CCP110: variants seen among roughly 807,000 people sequenced by gnomAD.
CCP110 encodes the protein centriolar coiled-coil protein 110.
In CCP110, 43 loss-of-function variants were observed where a neutral mutation model predicts 105.5. The ratio of observed to expected loss-of-function variants is 0.41; its 90% CI spans 0.32 to 0.53. The LOEUF (loss-of-function observed/expected upper bound fraction) is 0.53. Among genes scored for constraint, CCP110 ranks in the 20% least tolerant of loss-of-function variants. The pLI is 0.32. For missense variants in CCP110, 1,016 were observed against 1,189.1 expected, an observed-to-expected ratio of 0.85 and a Z score of 2.14; for synonymous variants, 353 against 392.1, an observed-to-expected ratio of 0.90 and a Z score of 1.18.
At chr16:19,527,461 A>G (rs1360838847) in intron 1 of CCP110, among the ~76,000 whole-genome samples, 1 of 152,106 alleles carries the variant, frequency 6.6e-6, no homozygotes, top group East Asian at 1.9e-4. Context: ...CTTTTTTACT[A>G]CAGTGTTTGT....
At chr16:19,535,257 A>T (rs1970010789) in intron 3 of CCP110, among the ~76,000 whole-genome samples, 1 of 150,402 alleles carries the variant, frequency 6.6e-6, no homozygotes, top group South Asian at 2.1e-4. Flanking sequence ...ATGTATAATT[A>T]CCTTTAGAAA....
rs566760938 is a variant in CCP110, at chr16:19,540,750, T to C, written c.2012T>C (p.Ile671Thr). The C allele has an allele frequency of 2.6e-5, 42 of 1,613,644 alleles. 1 individual carries two copies. In the South Asian group the frequency reaches 4.4e-4, roughly 17 times the overall value. Residue 671 changes from isoleucine (I) to threonine (T), a missense_variant, in exon 5 of 15, where the codon ATA becomes ACA. Ile to Thr is a moderately conservative substitution (Grantham distance 89). Transcript: ENST00000381396. ...CACGCCCAGCAATTATCACTACTCATAGCTGAGCAGGAAAGGGAACAAGAA... is the reference window on the plus strand; with the variant it reads ...CACGCCCAGCAATTATCACTACTCACAGCTGAGCAGGAAAGGGAACAAGAA...
chr16:19,524,413 G>GGA (rs1969596512), intron 1 of CCP110, among the ~76,000 whole-genome samples: 1 of 152,170 alleles, frequency 6.6e-6, no homozygotes, highest in Non-Finnish European at 1.5e-5. Flanking sequence ...GGCCAGAGCC[G>GGA]GAGAACCCCA....
At chr16:19,545,017 T>G in intron 9 of CCP110, 77 bp from the exon 10 acceptor site, 1 of 971,980 alleles carries the variant, frequency 1.0e-6, no homozygotes, top group Admixed American at 2.2e-5. Context: ...TATAAATAAG[T>G]GTACATGGTA....
chr16:19,552,440 T>C (rs904212796), exon 15 of CCP110: 4 of 151,602 alleles, frequency 2.6e-5, no homozygotes, highest in African/African-American at 7.3e-5. Context: ...GACAGGCGAA[T>C]TGCTTGAACC....
chr16:19,539,821 T>C (rs1970214132), intron 4 of CCP110, among the ~76,000 whole-genome samples: 1 of 150,808 alleles, frequency 6.6e-6, no homozygotes, highest in African/African-American at 2.4e-5. Context: ...TTTTTTGAGA[T>C]GGAGTTTCAC....
intron 8 of CCP110, among the ~76,000 whole-genome samples, chr16:19,544,261 A>G (rs1970388247): frequency 6.6e-6 from 1 of 152,184 alleles, no homozygotes; most frequent in African/African-American, 2.4e-5. Flanking sequence ...TCTTTCTCAG[A>G]TAATATTATG....
intron 3 of CCP110, among the ~76,000 whole-genome samples, chr16:19,535,238 A>T (rs1213214152): frequency 6.6e-6 from 1 of 152,104 alleles, no homozygotes; most frequent in Non-Finnish European, 1.5e-5. Context: ...TTGCCAGTTT[A>T]ATATACGGAT....
chr16:19,543,414 G>A lies in CCP110; in HGVS notation c.2484+420G>A, dbSNP rs142116251. Among the ~76,000 whole-genome samples the A allele has an allele frequency of 2.8e-3, 421 of 152,208 alleles. 1 individual carries two copies. Among genetic ancestry groups the A allele is most frequent in the Non-Finnish European group, 4.6e-3 (310 of 68,014 alleles). ...TTATCTTCATAAGCTGAGGATGTAGGTCACCTCAGGACCACTATTGTGTTA... is the reference window on the plus strand; with the variant it reads ...TTATCTTCATAAGCTGAGGATGTAGATCACCTCAGGACCACTATTGTGTTA... On this transcript the variant is annotated intron_variant, in intron 8 of 14. Transcript: ENST00000381396.
chr16:19,538,427 A>T (rs1216422544), intron 4 of CCP110, among the ~76,000 whole-genome samples: 1 of 142,652 alleles, frequency 7.0e-6, no homozygotes, highest in East Asian at 2.2e-4. Context: ...TTCGTGCCTC[A>T]GCCTCCAGAG....
intron 2 of CCP110, among the ~76,000 whole-genome samples, chr16:19,530,056 G>A (rs1253238162): frequency 6.6e-6 from 1 of 152,048 alleles, no homozygotes; most frequent in Non-Finnish European, 1.5e-5. Flanking sequence ...AAAGAGCTGG[G>A]TGTGGTGGCG....
Position 19,548,432 on chromosome 16 carries a change from G to C in CCP110, c.2901-83G>C, listed in dbSNP as rs983342050. On this transcript the variant is annotated intron_variant, in intron 13 of 14. Transcript: ENST00000381396. The surrounding 1 kb of genome is among the most constrained non-coding windows in gnomAD (Gnocchi z 4.1). ...AAGCTTATTTGTGCTTTGGACAGTTGATGCAATGTGATTGCTTTCTTTGAA... is the reference window on the plus strand; with the variant it reads ...AAGCTTATTTGTGCTTTGGACAGTTCATGCAATGTGATTGCTTTCTTTGAA... The C allele has an allele frequency of 1.2e-6, 1 of 847,230 alleles. No homozygotes were observed. The highest frequency in any genetic ancestry group is 1.7e-5 in the African/African-American group (1 of 58,354). 52.5% of individuals were successfully genotyped at this position (847,230 alleles called of 1,614,324 possible).
intron 4 of CCP110, among the ~76,000 whole-genome samples, chr16:19,539,426 G>A (rs1382773358): frequency 1.3e-5 from 2 of 150,820 alleles, no homozygotes; most frequent in African/African-American, 4.9e-5. Context: ...TTGCTGTGGT[G>A]CGATCTCAGT....
At chr16:19,534,757 T>C (rs1177211308) in intron 3 of CCP110, among the ~76,000 whole-genome samples, 1 of 151,826 alleles carries the variant, frequency 6.6e-6, no homozygotes, top group African/African-American at 2.4e-5. Context: ...GTGTATTGCA[T>C]AGTACCTGGA....
At chr16:19,541,237 T>C (rs1374613369) in intron 5 of CCP110, among the ~76,000 whole-genome samples, 2 of 150,800 alleles carry the variant, frequency 1.3e-5, no homozygotes, top group African/African-American at 4.9e-5. Flanking sequence ...CACTCCAGCC[T>C]GGGCAACAGA....
intron 1 of CCP110, 128 bp downstream of exon 1, chr16:19,524,216 T>A (rs8057847): frequency 1.3e-5 from 2 of 152,226 alleles, no homozygotes; most frequent in South Asian, 2.1e-4. Context: ...TCGAGCCCCC[T>A]GGAAAGGCGC....
At position 19,532,429 on chromosome 16, in the gene CCP110, A is replaced by C. The variant is rs200304057; in HGVS notation, c.155A>C (p.Lys52Thr). ...GATGTTTTGCAGCTTAACATTGAGA[A>C]AAGAAAGGAAATGCAACAAGAAAAG... The change falls in exon 3 of 15, where the codon AAA becomes ACA. Residue 52 changes from lysine to threonine, a missense_variant. Coordinates refer to ENST00000381396, the Ensembl canonical transcript of CCP110. 1.4e-5 allele frequency: 22 copies of C among 1,596,532 alleles called. 1 individual carries two copies. Among genetic ancestry groups the C allele is most frequent in the Middle Eastern group, 1.7e-4 (1 of 5,986 alleles).
exon 4 of CCP110, chr16:19,536,840 A>C (rs1970081973): frequency 6.2e-7 from 1 of 1,614,040 alleles, no homozygotes. Context: ...TATACTTATA[A>C]ATAACCCAAT....
exon 4 of CCP110, chr16:19,537,583 C>G: frequency 6.5e-7 from 1 of 1,537,266 alleles, no homozygotes; most frequent in Admixed American, 2.1e-5. Context: ...GAACTAGTTC[C>G]AAAGGTAAGG....
Sources: allele counts gnomAD v4.1 joint callset (sites outside exome capture counted in the v4.1 genomes callset), GRCh38; gene constraint gnomAD v4.1.1; non-coding constraint Gnocchi (gnomAD v3.1); transcripts MANE v1.5; gene names NCBI Gene and HGNC (gene_info 2026-07-23, HGNC 2026-07-21).